The following ABCB1 variants were observed in gnomAD, a reference collection of about 807,000 sequenced individuals.
ABCB1 encodes the protein ATP binding cassette subfamily B member 1, also known as ATP-dependent translocase ABCB1.
A neutral mutation model predicts 142.0 loss-of-function variants in ABCB1; 69 were observed. That is an observed-to-expected ratio of 0.49 (90% CI 0.40 to 0.59). The LOEUF is 0.59. Among genes scored for constraint, ABCB1 ranks in the 20% least tolerant of loss-of-function variants. ABCB1 has a pLI of 0.00. For missense variants in ABCB1, 1,326 were observed against 1,554.7 expected, an observed-to-expected ratio of 0.85 and a Z score of 2.47; for synonymous variants, 532 against 539.2, an observed-to-expected ratio of 0.99 and a Z score of 0.18.
chr7:87,660,512 T>C (rs1824585084), intron 1 of ABCB1, among the ~76,000 whole-genome samples: 1 of 152,080 alleles, frequency 6.6e-6, no homozygotes, highest in Admixed American at 6.6e-5. Flanking sequence ...AGTTCTTTGT[T>C]TTTATTTTAT....
chr7:87,617,553 A>T (rs1215933419), intron 1 of ABCB1, among the ~76,000 whole-genome samples: 3 of 152,234 alleles, frequency 2.0e-5, no homozygotes, highest in African/African-American at 7.2e-5. Context: ...GAGATTGCAC[A>T]TTACTGCCAC....
intron 1 of ABCB1, among the ~76,000 whole-genome samples, chr7:87,611,842 C>T (rs1819864392): frequency 6.6e-6 from 1 of 152,026 alleles, no homozygotes; most frequent in South Asian, 2.1e-4. Flanking sequence ...TAGCATGCTG[C>T]AGATGGCTTC....
At chr7:87,515,184 T>C in intron 25 of ABCB1, 47 bp downstream of exon 25, 1 of 1,604,418 alleles carries the variant, frequency 6.2e-7, no homozygotes, top group Non-Finnish European at 8.5e-7. Context: ...ATTCAGACAT[T>C]TGGATGATGA....
chr7:87,586,458 A>T lies in ABCB1; in HGVS notation c.118-778T>A, dbSNP rs1487189964. Among the ~76,000 whole-genome samples the T allele has an allele frequency of 2.0e-5, 3 of 152,194 alleles. No homozygotes were observed. In the East Asian group the frequency reaches 5.8e-4, roughly 29 times the overall value. On this transcript the variant is annotated intron_variant, in intron 3 of 27. Coordinates refer to ENST00000622132, the MANE Select transcript of ABCB1 (RefSeq NM_001348946.2). ...CAAGGAACTAGCTAAGGATTGAAAG[A>T]AAACCAAAGGGAAAAAAAACAGAAA...
chr7:87,676,855 A>G (rs1308499461), intron 1 of ABCB1, among the ~76,000 whole-genome samples: 2 of 152,182 alleles, frequency 1.3e-5, no homozygotes, highest in African/African-American at 4.8e-5. Flanking sequence ...CAGATGGCCA[A>G]CTGATATATG....
In ABCB1 at chr7:87,590,366, C is replaced by T. The variant is rs555999480; in HGVS notation, c.118-4686G>A. Reference sequence around the variant, plus strand: ...ATATACAAAAAATCTCCTGCCTCCACGGAGCCTACCTTCAGAGAGAAGACA... The same window carrying T: ...ATATACAAAAAATCTCCTGCCTCCATGGAGCCTACCTTCAGAGAGAAGACA... On this transcript the variant is annotated intron_variant, in intron 3 of 27. Transcript: ENST00000622132. Among the ~76,000 whole-genome samples the T allele has an allele frequency of 1.1e-4, 16 of 152,284 alleles. 1 individual carries two copies. The highest frequency in any genetic ancestry group is 3.4e-4 in the African/African-American group (14 of 41,556).
At chr7:87,675,433 T>C (rs1826228100) in intron 1 of ABCB1, among the ~76,000 whole-genome samples, 1 of 152,170 alleles carries the variant, frequency 6.6e-6, no homozygotes, top group South Asian at 2.1e-4. Context: ...GAAGGCATTA[T>C]GCTTCCTGAC....
At chr7:87,663,926 T>C (rs1365758483) in intron 1 of ABCB1, among the ~76,000 whole-genome samples, 3 of 152,262 alleles carry the variant, frequency 2.0e-5, no homozygotes, top group Middle Eastern at 3.4e-3. Flanking sequence ...ATGATCCTAC[T>C]GGATGAAGGC....
At chr7:87,683,639 A>C (rs531211310) in intron 1 of ABCB1, among the ~76,000 whole-genome samples, 53 of 152,318 alleles carry the variant, frequency 3.5e-4, no homozygotes, top group African/African-American at 1.2e-3. Flanking sequence ...GGTGTGGTTC[A>C]TGGCGCCCCA....
At position 87,561,307 on chromosome 7, in the gene ABCB1, A is replaced by T. The variant is rs1364895482; in HGVS notation, c.783T>A (p.Ile261=). Residue 261 remains isoleucine (I), a synonymous_variant, in exon 8 of 28, where the codon ATT becomes ATA. Transcript: ENST00000622132. Reference sequence around the variant, plus strand: ...GTCCTCCAAATGCAATCACAGTTCTAATTGCTGCCAAGACCTCTTCAGCTA... The same window carrying T: ...GTCCTCCAAATGCAATCACAGTTCTTATTGCTGCCAAGACCTCTTCAGCTA... ...GAVAEEVLAA[I]RTVIAFGGQK... is the part of the protein sequence containing the mutation. 1 of 1,614,072 alleles carries T rather than the reference A, an allele frequency of 6.2e-7. No homozygotes were observed. The highest frequency in any genetic ancestry group is 1.3e-5 in the African/African-American group (1 of 75,048).
At chr7:87,666,613 T>G (rs1016829031) in intron 1 of ABCB1, among the ~76,000 whole-genome samples, 6 of 152,080 alleles carry the variant, frequency 3.9e-5, no homozygotes, top group Non-Finnish European at 5.9e-5. Context: ...ATGGCTTTAA[T>G]AGTTTGAGGT....
chr7:87,563,118 AT>A (rs1159573119), intron 7 of ABCB1, among the ~76,000 whole-genome samples: 1 of 152,224 alleles, frequency 6.6e-6, no homozygotes, highest in African/African-American at 2.4e-5. Context: ...CCAGGAAGAA[AT>A]AAAATCCCTG....
Position 87,570,213 on chromosome 7 carries a change from A to C in ABCB1, c.297T>G (p.Asn99Lys). 6.2e-7 allele frequency: 1 copy of C among 1,613,030 alleles called. No individual in the cohort carries two copies. Among genetic ancestry groups the C allele is most frequent in the South Asian group, 1.1e-5 (1 of 91,062 alleles). The change falls in exon 5 of 28, where the codon AAT becomes AAG. Residue 99 changes from asparagine to lysine, a missense_variant. By Grantham distance (94) the Asn-to-Lys change is moderately conservative. Transcript: ENST00000622132. ...CCAGATTCATGAAGAACCCTGTATCATTGATATCACCTAGACCACCACAAA... is the reference window on the plus strand; with the variant it reads ...CCAGATTCATGAAGAACCCTGTATCCTTGATATCACCTAGACCACCACAAA... ...MSNITNRSDI[N>K]DTGFFMNLEE... is the part of the protein sequence containing the mutation.
At chr7:87,557,813 A>T (rs1322442566) in intron 8 of ABCB1, among the ~76,000 whole-genome samples, 1 of 152,200 alleles carries the variant, frequency 6.6e-6, no homozygotes, top group African/African-American at 2.4e-5. Context: ...TCCATCCATC[A>T]TTATAGTTTT....
At chr7:87,627,066 G>A (rs1198884403) in intron 1 of ABCB1, among the ~76,000 whole-genome samples, 11 of 152,070 alleles carry the variant, frequency 7.2e-5, no homozygotes, top group Non-Finnish European at 1.2e-4. Context: ...CAGCCACCGC[G>A]CCCAGCCCAT....
rs2129705298 is a variant in ABCB1, at chr7:87,549,933, C to T, written c.1472G>A (p.Gly491Asp). ...ATTIAENIRY[G>D]RENVTMDEIE... is the part of the protein sequence containing the mutation. ...CTCATCCATGGTGACATTTTCACGGCCATAGCGAATGTTTTCAGCTATCGT... is the reference window on the plus strand; with the variant it reads ...CTCATCCATGGTGACATTTTCACGGTCATAGCGAATGTTTTCAGCTATCGT... Residue 491 changes from glycine to aspartate, a missense_variant, in exon 13 of 28, where the codon GGC becomes GAC. Coordinates refer to ENST00000622132, the MANE Select transcript of ABCB1 (RefSeq NM_001348946.2). 1 of 1,614,182 alleles carries T rather than the reference C, an allele frequency of 6.2e-7. No individual in the cohort carries two copies. Among genetic ancestry groups the T allele is most frequent in the Non-Finnish European group, 8.5e-7 (1 of 1,180,036 alleles).
rs199720786 is a variant in ABCB1, at chr7:87,549,960, G to A, written c.1445C>T (p.Thr482Ile). The change falls in exon 13 of 28, where the codon ACC becomes ATC. Residue 482 changes from threonine (T) to isoleucine (I), a missense_variant. Physicochemically the swap from Thr to Ile is moderately conservative, Grantham distance 89. Transcript: ENST00000622132. ...ATAGCGAATGTTTTCAGCTATCGTG[G>A]TGGCAAACAATACAGGTTCCTGACT... ...VVSQEPVLFA[T>I]TIAENIRYGR... The A allele has an allele frequency of 1.9e-6, 3 of 1,614,184 alleles. No individual in the cohort carries two copies. The highest frequency in any genetic ancestry group is 1.7e-6 in the Non-Finnish European group (2 of 1,180,040).
chr7:87,602,292 CTTTTTTTTTT>C (rs59849542), upstream of ABCB1, among the ~76,000 whole-genome samples: 247 of 92,418 alleles, frequency 2.7e-3, 2 homozygotes, highest in Middle Eastern at 0.034. Context: ...AGCTCGGCCT[CTTTTTTTTTT>C]TTTTTTTTTT....
chr7:87,586,670 G>T (rs986646134), intron 3 of ABCB1, among the ~76,000 whole-genome samples: 8 of 152,146 alleles, frequency 5.3e-5, no homozygotes, highest in African/African-American at 1.9e-4. Context: ...CATAGCCACA[G>T]ACAGCAAGAT....
Sources: allele counts gnomAD v4.1 joint callset (sites outside exome capture counted in the v4.1 genomes callset), GRCh38; gene constraint gnomAD v4.1.1; transcripts MANE v1.5; gene names NCBI Gene and HGNC (gene_info 2026-07-23, HGNC 2026-07-21).